The following DIMT1 variants were observed in gnomAD, a reference collection of about 807,000 sequenced individuals.
DIMT1 encodes dimethyladenosine transferase.
A neutral mutation model predicts 43.2 loss-of-function variants in DIMT1; 36 were observed. That is an observed-to-expected ratio of 0.83 (90% CI 0.64 to 1.10). The LOEUF (loss-of-function observed/expected upper bound fraction) is 1.10, where lower values mean the gene tolerates loss of function less well. DIMT1 is among the 50% of genes least tolerant of loss of function. The pLI, the probability that DIMT1 is intolerant of heterozygous loss-of-function variation, is 0.00. For missense variants in DIMT1, 341 were observed against 385.3 expected, an observed-to-expected ratio of 0.88 and a Z score of 0.96; for synonymous variants, 126 against 130.3, an observed-to-expected ratio of 0.97 and a Z score of 0.22.
At chr5:62,391,138 C>T (rs1397755125) in intron 10 of DIMT1, 156 bp from the exon 11 acceptor site, 2 of 579,502 alleles carry the variant, frequency 3.5e-6, no homozygotes, top group Middle Eastern at 3.6e-4. Context: ...ACTTGGATCT[C>T]TAATTAAAAG....
intron 2 of DIMT1, 71 bp downstream of exon 2, chr5:62,403,202 C>A (rs1742770770): frequency 7.3e-7 from 1 of 1,369,098 alleles, no homozygotes; most frequent in African/African-American, 1.4e-5. Context: ...GGCAGACTTT[C>A]TGCGCTTATG....
intron 10 of DIMT1, chr5:62,391,671 C>T (rs908819472): frequency 8.5e-7 from 1 of 1,180,924 alleles, no homozygotes; most frequent in Non-Finnish European, 1.0e-6. Context: ...CATCACATCG[C>T]ACACACTGTT....
intron 1 of DIMT1, 61 bp from the exon 2 acceptor site, chr5:62,403,407 A>T (rs557474183): frequency 1.3e-6 from 2 of 1,508,314 alleles, no homozygotes; most frequent in South Asian, 2.3e-5. Flanking sequence ...AGGCAGTACC[A>T]GAGAAGAAAG....
intron 2 of DIMT1, 138 bp from the exon 3 acceptor site, chr5:62,402,260 T>C: frequency 4.8e-6 from 4 of 825,068 alleles, no homozygotes; most frequent in Middle Eastern, 2.2e-4. Flanking sequence ...CTTCATGATC[T>C]ACGTGGTTAA....
chr5:62,393,131 G>A (rs1742364604), intron 8 of DIMT1, 141 bp from the exon 9 acceptor site: 1 of 509,820 alleles, frequency 2.0e-6, no homozygotes, highest in Non-Finnish European at 3.4e-6. Flanking sequence ...ATCTTGATCT[G>A]GCTGGCACAC....
rs757529930 is a variant in DIMT1 at position 62,403,810 on chromosome 5, G to A, written c.-38C>T. On this transcript the variant is annotated 5_prime_UTR_variant, in exon 1 of 12. Coordinates refer to ENST00000199320, the MANE Select transcript of DIMT1 (RefSeq NM_014473.4). ...CGGGCCCACAGGCCCGGGACGTCAAGGAGGACCAAAGAGGGCTAGCGTGAG... is the reference window on the plus strand; with the variant it reads ...CGGGCCCACAGGCCCGGGACGTCAAAGAGGACCAAAGAGGGCTAGCGTGAG... 11 of 1,599,618 alleles carry A rather than the reference G, an allele frequency of 6.9e-6. No individual in the cohort carries two copies. The highest frequency in any genetic ancestry group is 9.4e-6 in the Non-Finnish European group (11 of 1,173,084).
At chr5:62,392,289 T>C in intron 9 of DIMT1, 55 bp from the exon 10 acceptor site, 1 of 1,528,632 alleles carries the variant, frequency 6.5e-7, no homozygotes, top group Non-Finnish European at 8.9e-7. Flanking sequence ...GAGTAATTTC[T>C]TACTTTTTTA....
chr5:62,403,461 A>C (rs1366046417), intron 1 of DIMT1, 115 bp from the exon 2 acceptor site: 3 of 1,086,308 alleles, frequency 2.8e-6, no homozygotes, highest in Admixed American at 3.7e-5. Flanking sequence ...CAGGGCCACG[A>C]AACGTCACGC....
chr5:62,388,977 T>C lies in DIMT1; in HGVS notation c.*33A>G, dbSNP rs1742164751. The C allele has an allele frequency of 6.3e-7, 1 of 1,586,726 alleles. No individual in the cohort carries two copies. Among genetic ancestry groups the C allele is most frequent in the Non-Finnish European group, 8.6e-7 (1 of 1,160,190 alleles). On this transcript the variant is annotated 3_prime_UTR_variant, in exon 12 of 12. Transcript: ENST00000199320. Reference sequence around the variant, plus strand: ...CAAAAAATACAAAATTCATTTCTTTTCTTGACCTTGAAAATTTCTGTTTTC... The same window carrying C: ...CAAAAAATACAAAATTCATTTCTTTCCTTGACCTTGAAAATTTCTGTTTTC...
rs569185585 is a variant in DIMT1 at position 62,396,296 on chromosome 5, G to A, written c.447-1689C>T. On this transcript the variant is annotated intron_variant, in intron 6 of 11. Transcript: ENST00000199320. The stretch of plus-strand genomic sequence containing the variant: ...AGGCTGAGGTGGGCAGATCACTTGA[G>A]CTCAGGAGGGGGAGACAGCCTGGGC... 7.2e-5 allele frequency among the ~76,000 whole-genome samples: 11 copies of A among 152,086 alleles called. No homozygotes were observed. The South Asian group carries it at 1.7e-3, about 23-fold the overall frequency.
In DIMT1 at chr5:62,391,132, G is replaced by C. The variant is rs1742294519; in HGVS notation, c.793-150C>G. The stretch of plus-strand genomic sequence containing the variant: ...AAGCCTGATTTTTACATTAAGACTT[G>C]GATCTCTAATTAAAAGTGGCTGATC... On this transcript the variant is annotated intron_variant, in intron 10 of 11. Transcript: ENST00000199320. 9 of 586,378 alleles carry C rather than the reference G, an allele frequency of 1.5e-5. No individual in the cohort carries two copies. In the South Asian group the frequency reaches 2.3e-4, roughly 15 times the overall value. 36.3% of individuals were successfully genotyped at this position (586,378 alleles called of 1,614,324 possible). A position where few individuals can be genotyped will look rare whatever the true frequency, so the allele number is the denominator to read the frequency against.
intron 1 of DIMT1, 105 bp downstream of exon 1, chr5:62,403,589 C>A: frequency 2.2e-6 from 3 of 1,361,346 alleles, no homozygotes; most frequent in Non-Finnish European, 3.0e-6. Context: ...CACGGGAGCG[C>A]GTCCTGACCG....
At chr5:62,391,757 CAAAGA>C in intron 10 of DIMT1, 1 of 1,360,056 alleles carries the variant, frequency 7.4e-7, no homozygotes, top group Non-Finnish European at 9.4e-7. Context: ...AATTTCTATA[CAAAGA>C]AAGTAATAAC....
intron 6 of DIMT1, among the ~76,000 whole-genome samples, chr5:62,397,498 G>A (rs559847696): frequency 1.1e-4 from 17 of 152,260 alleles, no homozygotes; most frequent in African/African-American, 3.4e-4. Context: ...GTTGTTCCTC[G>A]TCACTTAGGG....
chr5:62,392,936 CAG>C lies in DIMT1; in HGVS notation c.716_717del (p.Ser239CysfsTer4), dbSNP rs779857339. ...ITFVRKNKTLSAAFKSSAVQQ... is the reference protein window; with the variant it reads ...ITFVRKNKTLXAAFKSSAVQQ... The stretch of plus-strand genomic sequence containing the variant: ...TAGTGTAATACTTACTTAAATGCAG[CAG>C]AGAGTGTCTTGTTTTTCCTAACAAA... On this transcript the variant is annotated frameshift_variant, in exon 9 of 12. Coordinates refer to ENST00000199320, the MANE Select transcript of DIMT1 (RefSeq NM_014473.4). LOFTEE classifies it high-confidence loss of function. 9 of 1,607,118 alleles carry C rather than the reference CAG, an allele frequency of 5.6e-6. No homozygotes were observed. The highest frequency in any genetic ancestry group is 4.4e-5 in the South Asian group (4 of 90,838).
intron 3 of DIMT1, among the ~76,000 whole-genome samples, chr5:62,401,111 A>C (rs1309717530): frequency 6.6e-6 from 1 of 152,000 alleles, no homozygotes; most frequent in Admixed American, 6.6e-5. Flanking sequence ...CAGCTCCCTT[A>C]CCTTTCAACT....
At chr5:62,396,151 T>TTTTTTTTTTTTTTTTA (rs931809201) in intron 6 of DIMT1, among the ~76,000 whole-genome samples, 3 of 148,186 alleles carry the variant, frequency 2.0e-5, no homozygotes, top group African/African-American at 5.0e-5. Context: ...TTTTTTTTTT[T>TTTTTTTTTTTTTTTTA]ACATTATTAA....
At chr5:62,397,281 C>T (rs1392919125) in intron 6 of DIMT1, among the ~76,000 whole-genome samples, 1 of 152,138 alleles carries the variant, frequency 6.6e-6, no homozygotes, top group Non-Finnish European at 1.5e-5. Flanking sequence ...GTAAAATTTC[C>T]ACTGGAAGCT....
At chr5:62,397,763 C>T (rs1742549392) in intron 6 of DIMT1, among the ~76,000 whole-genome samples, 1 of 152,082 alleles carries the variant, frequency 6.6e-6, no homozygotes, top group Admixed American at 6.6e-5. Flanking sequence ...ATTCTCCTGC[C>T]TCAGCCTCCC....
Sources: allele counts gnomAD v4.1 joint callset (sites outside exome capture counted in the v4.1 genomes callset), GRCh38; gene constraint gnomAD v4.1.1; transcripts MANE v1.5; gene names NCBI Gene and HGNC (gene_info 2026-07-23, HGNC 2026-07-21).